Variants in SMCHD1 observed in about 807,000 individuals in gnomAD.
The protein encoded by SMCHD1 is structural maintenance of chromosomes flexible hinge domain containing 1.
In SMCHD1, 78 loss-of-function variants were observed where a neutral mutation model predicts 254.7. The ratio of observed to expected loss-of-function variants is 0.31; its 90% CI spans 0.26 to 0.37. SMCHD1 has a LOEUF of 0.37. Among genes scored for constraint, SMCHD1 ranks in the 10% least tolerant of loss-of-function variants. The probability of loss-of-function intolerance (pLI) is 1.00; values close to 1 mark genes in which losing one functional copy is unlikely to be tolerated. For synonymous variants in SMCHD1, 766 were observed against 794.9 expected, an observed-to-expected ratio of 0.96 and a Z score of 0.61; for missense variants, 1,840 against 2,408.1, an observed-to-expected ratio of 0.76 and a Z score of 4.94.
chr18:2,788,497 T>G (rs1322593035), intron 45 of SMCHD1, among the ~76,000 whole-genome samples: 2 of 152,214 alleles, frequency 1.3e-5, no homozygotes. Flanking sequence ...TTGGGATAAT[T>G]TTCTCCATTA....
chr18:2,679,310 T>C (rs2073865785), intron 5 of SMCHD1, among the ~76,000 whole-genome samples: 1 of 148,948 alleles, frequency 6.7e-6, no homozygotes, highest in Non-Finnish European at 1.5e-5. Context: ...ACCCCATCTC[T>C]ACTAAAAGTA....
Position 2,748,390 on chromosome 18 carries a change from ATTTTT to A in SMCHD1, c.3927+758_3927+762del, listed in dbSNP as rs67175512. Reference sequence around the variant, plus strand: ...TGTGTGTGTGTGTGTGTGTATATAAATTTTTTTTTTTTTTTTTTTGGAGACAGAGT... The same window carrying A: ...TGTGTGTGTGTGTGTGTGTATATAAATTTTTTTTTTTTTTGGAGACAGAGT... On this transcript the variant is annotated intron_variant, in intron 30 of 47. Coordinates refer to ENST00000320876, the MANE Select transcript of SMCHD1 (RefSeq NM_015295.3). Among the ~76,000 whole-genome samples, 51 of 92,688 alleles carry A rather than the reference ATTTTT, an allele frequency of 5.5e-4. 7 individuals are homozygous for A. The highest frequency in any genetic ancestry group is 2.4e-3 in the African/African-American group (48 of 20,308). The allele number at this position is 92,688 out of a possible 152,430, so 60.8% of individuals were successfully genotyped here. A position where few individuals can be genotyped will look rare whatever the true frequency, so the allele number is the denominator to read the frequency against.
At chr18:2,749,368 A>T (rs1222149972) in intron 30 of SMCHD1, among the ~76,000 whole-genome samples, 2 of 152,188 alleles carry the variant, frequency 1.3e-5, no homozygotes, top group Non-Finnish European at 2.9e-5. Flanking sequence ...TGGTCTACAA[A>T]TTCACTGTTA....
intron 12 of SMCHD1, among the ~76,000 whole-genome samples, chr18:2,701,424 ATGT>A (rs1266840768): frequency 6.6e-6 from 1 of 152,084 alleles, no homozygotes; most frequent in African/African-American, 2.4e-5. Context: ...GTCTCCCAAA[ATGT>A]TGGGATTACA....
At chr18:2,793,051 G>A (rs968997093) in intron 45 of SMCHD1, among the ~76,000 whole-genome samples, 2 of 152,154 alleles carry the variant, frequency 1.3e-5, no homozygotes, top group South Asian at 2.1e-4. Context: ...GTGCTTATCA[G>A]TTTTTTTGCC....
At chr18:2,788,824 C>G (rs2076277187) in intron 45 of SMCHD1, among the ~76,000 whole-genome samples, 2 of 152,134 alleles carry the variant, frequency 1.3e-5, no homozygotes, top group South Asian at 4.1e-4. Flanking sequence ...TCTCGAACTC[C>G]TGCCCTCAAG....
At chr18:2,738,662 TTGTC>T (rs1173683923) in intron 26 of SMCHD1, 117 bp downstream of exon 26, 12 of 915,368 alleles carry the variant, frequency 1.3e-5, no homozygotes, top group African/African-American at 1.7e-5. Flanking sequence ...ATATAATAGA[TTGTC>T]TTTGGAATAA....
intron 45 of SMCHD1, among the ~76,000 whole-genome samples, chr18:2,788,269 T>C (rs1399249141): frequency 6.6e-6 from 1 of 152,200 alleles, no homozygotes; most frequent in African/African-American, 2.4e-5. Flanking sequence ...AAAAAAAAAT[T>C]ACTGGACATT....
chr18:2,767,838 C>T (rs1320471386), intron 37 of SMCHD1, among the ~76,000 whole-genome samples: 5 of 152,010 alleles, frequency 3.3e-5, no homozygotes, highest in African/African-American at 1.2e-4. Context: ...GATCCACCCA[C>T]CTCGGCCTCC....
intron 5 of SMCHD1, among the ~76,000 whole-genome samples, chr18:2,685,585 C>CT (rs975708658): frequency 6.6e-6 from 1 of 152,080 alleles, no homozygotes; most frequent in Non-Finnish European, 1.5e-5. Flanking sequence ...CAAATTGAAG[C>CT]TTTACCCATT....
chr18:2,763,836 C>T, intron 37 of SMCHD1, 47 bp downstream of exon 37: 1 of 1,539,094 alleles, frequency 6.5e-7, no homozygotes, highest in East Asian at 2.3e-5. Flanking sequence ...GTATTTAATG[C>T]TTTTAACCAC....
At chr18:2,690,237 TTGAG>T (rs1264858849) in intron 7 of SMCHD1, among the ~76,000 whole-genome samples, 1 of 152,204 alleles carries the variant, frequency 6.6e-6, no homozygotes, top group Non-Finnish European at 1.5e-5. Context: ...AATTAACATG[TTGAG>T]TATTTCCCCA....
intron 5 of SMCHD1, among the ~76,000 whole-genome samples, chr18:2,687,910 C>T (rs2074088595): frequency 6.6e-6 from 1 of 152,134 alleles, no homozygotes; most frequent in Non-Finnish European, 1.5e-5. Flanking sequence ...ACTTTGCCTA[C>T]ATTTTGAAAG....
At position 2,747,610 on chromosome 18, in the gene SMCHD1, A is replaced by G. The variant is rs932696032; in HGVS notation, c.3890A>G (p.His1297Arg). Residue 1297 changes from histidine (H) to arginine (R), a missense_variant, in exon 30 of 48, where the codon CAT becomes CGT. By Grantham distance (29) the His-to-Arg change is conservative (BLOSUM62 0). This residue lies in a region of SMCHD1 where 881 missense variants were observed against 1,009.5 expected (regional missense o/e 0.87). Coordinates refer to ENST00000320876, the MANE Select transcript of SMCHD1 (RefSeq NM_015295.3). ...DQWDNPAPVQ[H>R]VKISLTKASN... ...TGGGATAATCCAGCACCGGTACAAC[A>G]TGTTAAAATAAGTCTTACAAAAGCT... is the stretch of plus-strand genomic sequence containing the variant. The G allele has an allele frequency of 6.2e-6, 10 of 1,606,230 alleles. No homozygotes were observed. The highest frequency in any genetic ancestry group is 1.3e-5 in the African/African-American group (1 of 74,792).
At chr18:2,716,153 C>T (rs1410239090) in intron 17 of SMCHD1, among the ~76,000 whole-genome samples, 1 of 152,154 alleles carries the variant, frequency 6.6e-6, no homozygotes, top group African/African-American at 2.4e-5. Flanking sequence ...CATAGATTAT[C>T]TATGATTTCC....
intron 1 of SMCHD1, among the ~76,000 whole-genome samples, chr18:2,660,141 T>A (rs2073203761): frequency 6.6e-6 from 1 of 152,078 alleles, no homozygotes; most frequent in Non-Finnish European, 1.5e-5. Context: ...TTGGCCAACA[T>A]GGTGAAACCC....
chr18:2,783,286 T>C (rs1331188790), intron 44 of SMCHD1, among the ~76,000 whole-genome samples: 1 of 152,220 alleles, frequency 6.6e-6, no homozygotes, highest in Non-Finnish European at 1.5e-5. Context: ...TCGTGCAGAA[T>C]GTTAAACTTT....
chr18:2,786,597 C>T (rs754991109), intron 45 of SMCHD1, among the ~76,000 whole-genome samples: 9 of 152,020 alleles, frequency 5.9e-5, no homozygotes, highest in Non-Finnish European at 1.3e-4. Flanking sequence ...GAAGCTCAGG[C>T]AGGACCATCA....
rs1304074222 is a variant in SMCHD1, at chr18:2,691,829, G to A, written c.874-2698G>A. ...GTCTGGGATTCAGGAACTCGCTGCTGTATCTGTGATCCACGAGTTGGAATG... is the reference window on the plus strand; with the variant it reads ...GTCTGGGATTCAGGAACTCGCTGCTATATCTGTGATCCACGAGTTGGAATG... On this transcript the variant is annotated intron_variant, in intron 7 of 47. Transcript: ENST00000320876. The A allele has an allele frequency of 2.6e-5, 4 of 152,230 alleles. No homozygotes were observed. The South Asian group carries it at 8.3e-4, about 32-fold the overall frequency. 9.4% of individuals were successfully genotyped at this position (152,230 alleles called of 1,614,324 possible).
Sources: allele counts gnomAD v4.1 joint callset (sites outside exome capture counted in the v4.1 genomes callset), GRCh38; gene constraint gnomAD v4.1.1; regional missense constraint gnomAD v4.1.1; transcripts MANE v1.5; gene names NCBI Gene and HGNC (gene_info 2026-07-23, HGNC 2026-07-21).